ZNF638: variants seen among roughly 807,000 people sequenced by gnomAD.
ZNF638 encodes the protein CTCL tumor antigen se33-1.
In ZNF638, 46 loss-of-function variants were observed where a neutral mutation model predicts 195.6. The ratio of observed to expected loss-of-function variants is 0.24; its 90% CI spans 0.19 to 0.30. The LOEUF (loss-of-function observed/expected upper bound fraction) is 0.30, where lower values mean the gene tolerates loss of function less well. Among genes scored for constraint, ZNF638 ranks in the 10% least tolerant of loss-of-function variants. The probability of loss-of-function intolerance (pLI) is 1.00; values close to 1 mark genes in which losing one functional copy is unlikely to be tolerated. For synonymous variants in ZNF638, 845 were observed against 772.0 expected, an observed-to-expected ratio of 1.09 and a Z score of -1.57; for missense variants, 2,440 against 2,325.3, an observed-to-expected ratio of 1.05 and a Z score of -1.01.
At chr2:71,342,850 C>G (rs1451931393) in intron 1 of ZNF638, among the ~76,000 whole-genome samples, 2 of 151,914 alleles carry the variant, frequency 1.3e-5, no homozygotes, top group African/African-American at 4.8e-5. Context: ...CCTGAGGGTG[C>G]GAAGACTAAT....
At position 71,331,886 on chromosome 2, in the gene ZNF638, T is replaced by A; in HGVS notation, c.-203+11T>A. The A allele has an allele frequency of 1.0e-6, 1 of 986,340 alleles. No individual in the cohort carries two copies. Among genetic ancestry groups the A allele is most frequent in the Non-Finnish European group, 1.2e-6 (1 of 830,340 alleles). The allele number at this position is 986,340 out of a possible 1,614,324, so 61.1% of individuals were successfully genotyped here. ...GTCGGGTAGGCATAGGTAGGACCGCTGCCCTGTGGGGAGTAGGGGGTTGGA... is the reference window on the plus strand; with the variant it reads ...GTCGGGTAGGCATAGGTAGGACCGCAGCCCTGTGGGGAGTAGGGGGTTGGA... On this transcript the variant is annotated intron_variant, in intron 1 of 27. Transcript: ENST00000264447.
intron 22 of ZNF638, 66 bp downstream of exon 22, chr2:71,424,104 G>A: frequency 6.5e-7 from 1 of 1,530,866 alleles, no homozygotes; most frequent in Non-Finnish European, 8.8e-7. Flanking sequence ...CTGTAGCTAT[G>A]TAGTAGGAGA....
chr2:71,367,751 TAA>T (rs1553471477), intron 6 of ZNF638, among the ~76,000 whole-genome samples: 3 of 149,382 alleles, frequency 2.0e-5, no homozygotes, highest in African/African-American at 4.9e-5. Flanking sequence ...TTTTTTTTTT[TAA>T]AAATATAGAG....
chr2:71,417,186 G>A (rs1463748852), intron 20 of ZNF638, among the ~76,000 whole-genome samples: 1 of 151,798 alleles, frequency 6.6e-6, no homozygotes, highest in South Asian at 2.1e-4. Flanking sequence ...GTGGTGTGCC[G>A]TTTCTTAAGC....
At chr2:71,332,710 C>G (rs188373974) in intron 1 of ZNF638, 2 of 152,052 alleles carry the variant, frequency 1.3e-5, no homozygotes, top group Non-Finnish European at 2.9e-5. Flanking sequence ...TGAAATAGAT[C>G]TTTTGTTGTT....
intron 20 of ZNF638, among the ~76,000 whole-genome samples, chr2:71,409,789 A>G (rs951282811): frequency 1.3e-5 from 2 of 152,112 alleles, no homozygotes; most frequent in African/African-American, 4.8e-5. Flanking sequence ...ATTTAGGGTC[A>G]TTTGCTTTGT....
intron 8 of ZNF638, among the ~76,000 whole-genome samples, chr2:71,371,748 G>C (rs1293726522): frequency 1.3e-5 from 2 of 150,064 alleles, no homozygotes; most frequent in African/African-American, 2.4e-5. Flanking sequence ...ATATATTCTG[G>C]TTATTAATCC....
Position 71,338,483 on chromosome 2 carries a change from G to A in ZNF638, c.-203+6608G>A, listed in dbSNP as rs75052717. ...TCACAATGAAAGCCCTAAGTTCCTA[G>A]CACCATCAAAACATTTACTTACTTG... is the stretch of plus-strand genomic sequence containing the variant. On this transcript the variant is annotated intron_variant, in intron 1 of 27. Coordinates refer to ENST00000264447, the MANE Select transcript of ZNF638 (RefSeq NM_014497.5). Among the ~76,000 whole-genome samples the A allele has an allele frequency of 6.4e-4, 98 of 152,132 alleles. No homozygotes were observed. In the Middle Eastern group the frequency reaches 0.02, roughly 32 times the overall value.
intron 17 of ZNF638, among the ~76,000 whole-genome samples, chr2:71,404,504 C>A (rs568060314): frequency 9.2e-5 from 14 of 152,176 alleles, no homozygotes; most frequent in African/African-American, 3.4e-4. Context: ...GAGCCCAGGA[C>A]TTCAGGACCC....
intron 10 of ZNF638, chr2:71,393,433 A>G (rs12713748): frequency 0.096 from 69,213 of 718,556 alleles, 3,808 homozygotes; most frequent in East Asian, 0.17. Flanking sequence ...AGACCATACC[A>G]TGGCGTGGCT....
At chr2:71,402,892 C>T (rs546580095) in intron 16 of ZNF638, among the ~76,000 whole-genome samples, 6 of 151,984 alleles carry the variant, frequency 3.9e-5, no homozygotes, top group Non-Finnish European at 5.9e-5. Context: ...TGAGGCACTC[C>T]GAGCCAATTT....
chr2:71,380,650 T>G (rs1229222993), intron 10 of ZNF638, 85 bp downstream of exon 10: 24 of 1,151,026 alleles, frequency 2.1e-5, no homozygotes, highest in Non-Finnish European at 3.0e-5. Flanking sequence ...ATGAAGACAC[T>G]ATTGTGCTTT....
intron 26 of ZNF638, among the ~76,000 whole-genome samples, chr2:71,432,175 T>C (rs2080679481): frequency 6.6e-6 from 1 of 152,188 alleles, no homozygotes; most frequent in Admixed American, 6.5e-5. Flanking sequence ...CTCTTTTATT[T>C]TAATGGGATT....
At chr2:71,407,900 A>G (rs989881801) in intron 19 of ZNF638, 2 of 398,550 alleles carry the variant, frequency 5.0e-6, no homozygotes, top group Admixed American at 4.4e-5. Flanking sequence ...CGCATGTAAC[A>G]CATTTTTATA....
At chr2:71,424,136 C>G (rs1283073653) in intron 22 of ZNF638, 98 bp downstream of exon 22, 4 of 1,449,120 alleles carry the variant, frequency 2.8e-6, no homozygotes, top group East Asian at 2.4e-5. Context: ...TTCATACTTT[C>G]ATCTCCTCAC....
intron 12 of ZNF638, 118 bp from the exon 13 acceptor site, chr2:71,399,439 CTA>C (rs3832150): frequency 0.11 from 70,679 of 664,184 alleles, 4,566 homozygotes; most frequent in African/African-American, 0.24. Context: ...GAAATAATGA[CTA>C]TGTGGAAAAG....
In ZNF638 at chr2:71,423,891, T is replaced by C; in HGVS notation, c.4377T>C (p.Thr1459=). The part of the protein sequence containing the change: ...LAESSSKFKP[T]QSSLTRGGSG... ...AAAGCAGCAGTAAATTCAAACCTAC[T>C]CAGAGCAGTCTTACCAGAGGAGGCA... is the stretch of plus-strand genomic sequence containing the variant. The change falls in exon 22 of 28, where the codon ACT becomes ACC. Residue 1459 remains threonine, a synonymous_variant. Transcript: ENST00000264447. 1 of 1,614,022 alleles carries C rather than the reference T, an allele frequency of 6.2e-7. No individual in the cohort carries two copies. The highest frequency in any genetic ancestry group is 8.5e-7 in the Non-Finnish European group (1 of 1,179,982).
chr2:71,381,894 C>T (rs1004127866), intron 10 of ZNF638, among the ~76,000 whole-genome samples: 4 of 152,066 alleles, frequency 2.6e-5, no homozygotes, highest in South Asian at 4.2e-4. Context: ...TGGAGCCACT[C>T]ACTAATTGTT....
At chr2:71,377,351 AAC>A (rs2079449870) in intron 8 of ZNF638, among the ~76,000 whole-genome samples, 2 of 152,224 alleles carry the variant, frequency 1.3e-5, no homozygotes, top group African/African-American at 4.8e-5. Context: ...GTGCAAAAAA[AAC>A]AATTTTTAAA....
Sources: allele counts gnomAD v4.1 joint callset (sites outside exome capture counted in the v4.1 genomes callset), GRCh38; gene constraint gnomAD v4.1.1; transcripts MANE v1.5; gene names NCBI Gene and HGNC (gene_info 2026-07-23, HGNC 2026-07-21).